Variants in CNTNAP2 observed in about 807,000 individuals in gnomAD.
The protein encoded by CNTNAP2 is contactin associated protein 2, also known as contactin-associated protein-like 2.
Under a neutral mutation model 155.2 loss-of-function variants are expected in CNTNAP2, and 98 were observed. The ratio of observed to expected loss-of-function variants is 0.63; its 90% CI spans 0.54 to 0.75. CNTNAP2 has a LOEUF of 0.75. CNTNAP2 is among the 30% of genes least tolerant of loss of function. CNTNAP2 has a pLI of 0.00. For synonymous variants in CNTNAP2, 651 were observed against 631.2 expected (o/e 1.03, Z -0.47); for missense variants, 1,727 against 1,688.1 (o/e 1.02, Z -0.40).
Position 148,415,650 on chromosome 7 carries a change from G to A in CNTNAP2, c.*34G>A, listed in dbSNP as rs754840336. The A allele has an allele frequency of 7.4e-6, 12 of 1,611,084 alleles. No homozygotes were observed. In the African/African-American group the frequency reaches 1.6e-4, roughly 22 times the overall value. On this transcript the variant is annotated 3_prime_UTR_variant, in exon 24 of 24. Transcript: ENST00000361727. ...TACTTGGCTATGGGATAGGGAGGAG[G>A]GAATTACTAGGGAGGAGAGAAAGGG... is the stretch of plus-strand genomic sequence containing the variant.
At chr7:147,298,279 C>G (rs1348715232) in intron 8 of CNTNAP2, among the ~76,000 whole-genome samples, 1 of 151,914 alleles carries the variant, frequency 6.6e-6, no homozygotes, top group Non-Finnish European at 1.5e-5. Context: ...ACAAAATTAG[C>G]CAGCTGTGGT....
At chr7:148,074,147 A>G (rs924018895) in intron 15 of CNTNAP2, among the ~76,000 whole-genome samples, 2 of 152,200 alleles carry the variant, frequency 1.3e-5, no homozygotes, top group African/African-American at 4.8e-5. Flanking sequence ...AGAGCCCGTT[A>G]TTGGAACTTA....
chr7:147,140,007 CA>C (rs1801561862), intron 8 of CNTNAP2, among the ~76,000 whole-genome samples: 1 of 152,062 alleles, frequency 6.6e-6, no homozygotes. Flanking sequence ...AACCTGAGCT[CA>C]GACCCTACTT....
intron 1 of CNTNAP2, among the ~76,000 whole-genome samples, chr7:146,397,851 G>T (rs1034929631): frequency 6.7e-6 from 1 of 149,112 alleles, no homozygotes; most frequent in Non-Finnish European, 1.5e-5. Context: ...TATTAATTTT[G>T]TATACCAAAA....
At chr7:147,160,659 C>T (rs1469699060) in intron 8 of CNTNAP2, among the ~76,000 whole-genome samples, 1 of 152,090 alleles carries the variant, frequency 6.6e-6, no homozygotes, top group Non-Finnish European at 1.5e-5. Flanking sequence ...GTGTTAAGTA[C>T]TGTCTGCATA....
intron 8 of CNTNAP2, among the ~76,000 whole-genome samples, chr7:147,253,368 C>A (rs1027150334): frequency 2.0e-5 from 3 of 147,844 alleles, no homozygotes; most frequent in African/African-American, 7.5e-5. Context: ...TGCTGATTAG[C>A]TTAACAGGTT....
Position 146,959,001 on chromosome 7 carries a change from T to TTTTTA in CNTNAP2, c.403-84887_403-84883dup, listed in dbSNP as rs200690975. ...AGCTCTTTGAATTAGGATAATGACT[T>TTTTTA]TTTTATTTTATTTTATTTTATTTAT... On this transcript the variant is annotated intron_variant, in intron 3 of 23. Coordinates refer to ENST00000361727, the MANE Select transcript of CNTNAP2 (RefSeq NM_014141.6). 2.6e-3 allele frequency among the ~76,000 whole-genome samples: 396 copies of TTTTTA among 152,022 alleles called. 11 individuals are homozygous for TTTTTA. In the East Asian group the frequency reaches 0.048, roughly 18 times the overall value.
rs564327282 is a variant in CNTNAP2 at position 148,032,197 on chromosome 7, T to C, written c.2383+54208T>C. Among the ~76,000 whole-genome samples, 5 of 152,326 alleles carry C rather than the reference T, an allele frequency of 3.3e-5. No individual in the cohort carries two copies. The East Asian group carries it at 9.7e-4, about 29-fold the overall frequency. ...TGTCAGTAGGTTGTGCTAATCTGGCTGTGGTCATGGCTCTATTGGGGAGAC... is the reference window on the plus strand; with the variant it reads ...TGTCAGTAGGTTGTGCTAATCTGGCCGTGGTCATGGCTCTATTGGGGAGAC... On this transcript the variant is annotated intron_variant, in intron 15 of 23. Transcript: ENST00000361727.
chr7:147,347,926 T>C (rs1795904800), intron 9 of CNTNAP2, among the ~76,000 whole-genome samples: 2 of 151,922 alleles, frequency 1.3e-5, no homozygotes, highest in African/African-American at 4.8e-5. Flanking sequence ...AGAACACTCA[T>C]GGGGAAAGGG....
At chr7:147,189,688 T>C (rs1347286572) in intron 8 of CNTNAP2, among the ~76,000 whole-genome samples, 1 of 152,148 alleles carries the variant, frequency 6.6e-6, no homozygotes, top group Non-Finnish European at 1.5e-5. Flanking sequence ...GAAACAAAAT[T>C]TTTAATCTTC....
chr7:148,298,861 G>A (rs1797329944), intron 21 of CNTNAP2, among the ~76,000 whole-genome samples: 1 of 151,814 alleles, frequency 6.6e-6, no homozygotes, highest in Non-Finnish European at 1.5e-5. Flanking sequence ...ACTACACCTT[G>A]CTAATTTTTG....
intron 1 of CNTNAP2, among the ~76,000 whole-genome samples, chr7:146,658,841 T>A (rs913123415): frequency 6.6e-6 from 1 of 152,164 alleles, no homozygotes; most frequent in Non-Finnish European, 1.5e-5. Flanking sequence ...AATGCCTCTA[T>A]GGATTACAGG....
chr7:146,319,942 A>G (rs1454369720), intron 1 of CNTNAP2, among the ~76,000 whole-genome samples: 3 of 152,156 alleles, frequency 2.0e-5, no homozygotes, highest in South Asian at 2.1e-4. Context: ...CACAGTAAAC[A>G]TGCCAATTTC....
Position 148,342,031 on chromosome 7 carries a change from G to A in CNTNAP2, c.3476-41618G>A, listed in dbSNP as rs1452880990. Reference sequence around the variant, plus strand: ...AGGCTTAGCCAACGCATCTGAAAGAGAAGAGTGTTTTATGTCTTTAATTTC... The same window carrying A: ...AGGCTTAGCCAACGCATCTGAAAGAAAAGAGTGTTTTATGTCTTTAATTTC... On this transcript the variant is annotated intron_variant, in intron 21 of 23. Transcript: ENST00000361727. 2.6e-5 allele frequency among the ~76,000 whole-genome samples: 4 copies of A among 152,238 alleles called. 1 individual carries two copies. Among genetic ancestry groups the A allele is most frequent in the South Asian group, 4.1e-4 (2 of 4,832 alleles).
At chr7:147,008,766 G>A (rs553810368) in intron 3 of CNTNAP2, among the ~76,000 whole-genome samples, 2 of 152,158 alleles carry the variant, frequency 1.3e-5, no homozygotes, top group East Asian at 3.9e-4. Flanking sequence ...GAGACTAATG[G>A]TAGATAAAGC....
chr7:146,259,510 G>A (rs368833743), intron 1 of CNTNAP2, among the ~76,000 whole-genome samples: 141 of 152,262 alleles, frequency 9.3e-4, no homozygotes, highest in Non-Finnish European at 8.5e-4. Flanking sequence ...GAGGAACTTC[G>A]TGAGAACTGG....
At chr7:148,080,880 C>G (rs1803590488) in intron 15 of CNTNAP2, among the ~76,000 whole-genome samples, 1 of 152,056 alleles carries the variant, frequency 6.6e-6, no homozygotes, top group African/African-American at 2.4e-5. Flanking sequence ...TGTGAATTGT[C>G]CTCATCATAC....
At chr7:146,646,866 C>T (rs965421721) in intron 1 of CNTNAP2, among the ~76,000 whole-genome samples, 5 of 152,116 alleles carry the variant, frequency 3.3e-5, no homozygotes, top group African/African-American at 9.7e-5. Flanking sequence ...TGAAACAGTG[C>T]TGGTGAATGG....
intron 13 of CNTNAP2, among the ~76,000 whole-genome samples, chr7:147,801,313 T>TA (rs1188688613): frequency 4.2e-4 from 64 of 150,810 alleles, no homozygotes; most frequent in African/African-American, 1.5e-3. Flanking sequence ...TATGAAGTTT[T>TA]TTTTTTTTTT....
Sources: allele counts gnomAD v4.1 joint callset (sites outside exome capture counted in the v4.1 genomes callset), GRCh38; gene constraint gnomAD v4.1.1; transcripts MANE v1.5; gene names NCBI Gene and HGNC (gene_info 2026-07-23, HGNC 2026-07-21).